The following SPON1 variants were observed in gnomAD, a reference collection of about 807,000 sequenced individuals.
SPON1 encodes spondin 1.
In SPON1, 52 loss-of-function variants were observed where a neutral mutation model predicts 111.7. That is an observed-to-expected ratio of 0.47 (90% CI 0.37 to 0.59). SPON1 has a LOEUF of 0.59. Ranked by LOEUF, SPON1 falls within the 20% of genes least tolerant of loss-of-function variation. SPON1 has a pLI of 0.00. For synonymous variants in SPON1, 410 were observed against 395.8 expected, an observed-to-expected ratio of 1.04 and a Z score of -0.43; for missense variants, 957 against 1,068.5, an observed-to-expected ratio of 0.90 and a Z score of 1.46.
intron 3 of SPON1, among the ~76,000 whole-genome samples, chr11:14,046,658 G>A (rs996798539): frequency 6.6e-6 from 1 of 152,138 alleles, no homozygotes; most frequent in Non-Finnish European, 1.5e-5. Flanking sequence ...GCAAGTCATT[G>A]CTCATTAGTC....
At chr11:14,251,952 A>G (rs182379975) in intron 7 of SPON1, among the ~76,000 whole-genome samples, 55 of 152,374 alleles carry the variant, frequency 3.6e-4, no homozygotes, top group Non-Finnish European at 7.1e-4. Context: ...TGTCATTGCA[A>G]TACTTTAGCA....
chr11:14,091,203 C>T (rs1241486139), intron 5 of SPON1, among the ~76,000 whole-genome samples: 4 of 152,204 alleles, frequency 2.6e-5, no homozygotes, highest in Non-Finnish European at 5.9e-5. Context: ...TGTTTACAAT[C>T]CCTGAGTTAG....
intron 6 of SPON1, among the ~76,000 whole-genome samples, chr11:14,179,651 G>A (rs545725805): frequency 8.5e-5 from 13 of 152,222 alleles, no homozygotes; most frequent in African/African-American, 2.9e-4. Flanking sequence ...TCATCTAAAT[G>A]AAGAAAAATT....
intron 7 of SPON1, among the ~76,000 whole-genome samples, chr11:14,245,569 TG>T (rs1385615206): frequency 2.0e-5 from 3 of 152,128 alleles, no homozygotes; most frequent in Non-Finnish European, 4.4e-5. Flanking sequence ...AGGAGGGACA[TG>T]GGGCTGTGCC....
chr11:14,241,989 G>C (rs917938168), intron 6 of SPON1, among the ~76,000 whole-genome samples: 13 of 152,104 alleles, frequency 8.5e-5, no homozygotes, highest in African/African-American at 3.1e-4. Context: ...CCGCTGCCCT[G>C]TCCTTGTGGG....
intron 5 of SPON1, among the ~76,000 whole-genome samples, chr11:14,083,091 C>A (rs1180011993): frequency 6.6e-6 from 1 of 151,912 alleles, no homozygotes; most frequent in Non-Finnish European, 1.5e-5. Flanking sequence ...TTAAAATAAA[C>A]CTAGTAAATT....
intron 2 of SPON1, among the ~76,000 whole-genome samples, chr11:13,998,641 C>G (rs951295147): frequency 4.6e-5 from 7 of 152,206 alleles, no homozygotes; most frequent in African/African-American, 1.4e-4. Flanking sequence ...TGGGCCATGT[C>G]TGTCTCTGTA....
In SPON1 at chr11:14,134,082, T is replaced by C. The variant is rs1378505732; in HGVS notation, c.677-1338T>C. 1.4e-4 allele frequency among the ~76,000 whole-genome samples: 21 copies of C among 150,572 alleles called. 1 individual carries two copies. The highest frequency in any genetic ancestry group is 3.4e-3 in the Middle Eastern group (1 of 294). On this transcript the variant is annotated intron_variant, in intron 5 of 15. Coordinates refer to ENST00000576479, the MANE Select transcript of SPON1 (RefSeq NM_006108.4). Reference sequence around the variant, plus strand: ...CTTTTTTCAAGAGTGTTTATTAAAATAGGCAGTAATGGGGTGAAGAGTTCT... The same window carrying C: ...CTTTTTTCAAGAGTGTTTATTAAAACAGGCAGTAATGGGGTGAAGAGTTCT...
rs1482143120 is a variant in SPON1 at position 14,236,055 on chromosome 11, G to C, written c.826-7277G>C. ...AGACCATGGAGGGTGTGGGGGACCA[G>C]AGCAAGGTCCTGTCTGCTGTGAGAT... is the stretch of plus-strand genomic sequence containing the variant. On this transcript the variant is annotated intron_variant, in intron 6 of 15. Transcript: ENST00000576479. Among the ~76,000 whole-genome samples the C allele has an allele frequency of 2.0e-5, 3 of 152,192 alleles. 1 individual carries two copies. Among genetic ancestry groups the C allele is most frequent in the Admixed American group, 1.3e-4 (2 of 15,280 alleles).
chr11:14,160,927 ATATATT>A (rs1336417090), intron 6 of SPON1, among the ~76,000 whole-genome samples: 2 of 55,018 alleles, frequency 3.6e-5, no homozygotes, highest in East Asian at 1.7e-3. Context: ...TTATATATTT[ATATATT>A]TATATATATA....
intron 6 of SPON1, among the ~76,000 whole-genome samples, chr11:14,233,745 ACT>A (rs1554938976): frequency 7.2e-6 from 1 of 138,702 alleles, no homozygotes; most frequent in African/African-American, 2.7e-5. Flanking sequence ...AGTGTCCAAC[ACT>A]GTTTCTTTTT....
chr11:14,214,619 G>A (rs1457362804), intron 6 of SPON1, among the ~76,000 whole-genome samples: 2 of 152,330 alleles, frequency 1.3e-5, no homozygotes, highest in Admixed American at 6.5e-5. Context: ...GAAGGCAAGT[G>A]AGATGATGAG....
Position 14,265,884 on chromosome 11 carries a change from C to A in SPON1, c.*197C>A. 1 of 548,822 alleles carries A rather than the reference C, an allele frequency of 1.8e-6. No homozygotes were observed. The highest frequency in any genetic ancestry group is 3.1e-6 in the Non-Finnish European group (1 of 317,732). 34.0% of individuals were successfully genotyped at this position (548,822 alleles called of 1,614,324 possible). A position where few individuals can be genotyped will look rare whatever the true frequency, so the allele number is the denominator to read the frequency against. On this transcript the variant is annotated 3_prime_UTR_variant, in exon 16 of 16. Coordinates refer to ENST00000576479, the MANE Select transcript of SPON1 (RefSeq NM_006108.4). ...GGGTACAGGCTGAGTGGGGCGCCCTCACCTCCAGCCAGCCTCTTCCTGCAG... is the reference window on the plus strand; with the variant it reads ...GGGTACAGGCTGAGTGGGGCGCCCTAACCTCCAGCCAGCCTCTTCCTGCAG...
At chr11:14,114,171 A>T (rs1220046237) in intron 5 of SPON1, among the ~76,000 whole-genome samples, 1 of 152,082 alleles carries the variant, frequency 6.6e-6, no homozygotes, top group Non-Finnish European at 1.5e-5. Flanking sequence ...ATTTTTTTGT[A>T]CCCACTAACC....
At chr11:14,038,184 G>T (rs528050008) in intron 2 of SPON1, among the ~76,000 whole-genome samples, 1 of 145,294 alleles carries the variant, frequency 6.9e-6, no homozygotes, top group Non-Finnish European at 1.5e-5. Context: ...AATAAATAAC[G>T]ACTGGGCGTG....
chr11:14,238,496 G>A (rs868983379), intron 6 of SPON1, among the ~76,000 whole-genome samples: 57 of 152,278 alleles, frequency 3.7e-4, no homozygotes, highest in African/African-American at 1.3e-3. Flanking sequence ...GAGTGCAGAG[G>A]AGGGTCAGCG....
At chr11:14,208,782 A>G (rs1848542555) in intron 6 of SPON1, among the ~76,000 whole-genome samples, 1 of 152,202 alleles carries the variant, frequency 6.6e-6, no homozygotes. Flanking sequence ...ATTGTCATGT[A>G]TAAATAGGTG....
At chr11:14,170,680 A>T (rs1341713261) in intron 6 of SPON1, among the ~76,000 whole-genome samples, 1 of 151,994 alleles carries the variant, frequency 6.6e-6, no homozygotes, top group Non-Finnish European at 1.5e-5. Flanking sequence ...ATCAATACCT[A>T]ATTTATTGAG....
At chr11:14,244,706 C>G (rs1162998673) in intron 7 of SPON1, among the ~76,000 whole-genome samples, 1 of 152,162 alleles carries the variant, frequency 6.6e-6, no homozygotes, top group Non-Finnish European at 1.5e-5. Flanking sequence ...GTGATCGCAC[C>G]ACTGCACTCC....
Sources: allele counts gnomAD v4.1 joint callset (sites outside exome capture counted in the v4.1 genomes callset), GRCh38; gene constraint gnomAD v4.1.1; transcripts MANE v1.5; gene names NCBI Gene and HGNC (gene_info 2026-07-23, HGNC 2026-07-21).